The following GABRB2 variants were observed in gnomAD, a reference collection of about 807,000 sequenced individuals.
GABRB2 encodes gamma-aminobutyric acid receptor subunit beta-2.
GABRB2 carries 16 observed loss-of-function variants against 54.7 expected under a neutral mutation model. That is an observed-to-expected ratio of 0.29 (90% CI 0.20 to 0.44). The LOEUF is 0.44. Ranked by LOEUF, GABRB2 falls within the 20% of genes least tolerant of loss-of-function variation. The probability of loss-of-function intolerance (pLI) is 1.00; values close to 1 mark genes in which losing one functional copy is unlikely to be tolerated. For synonymous variants in GABRB2, 244 were observed against 233.8 expected, an observed-to-expected ratio of 1.04 and a Z score of -0.40; for missense variants, 355 against 644.0, an observed-to-expected ratio of 0.55 and a Z score of 4.86.
intron 3 of GABRB2, among the ~76,000 whole-genome samples, chr5:161,521,396 CCATATAA>C (rs1438637478): frequency 1.3e-5 from 2 of 151,554 alleles, no homozygotes; most frequent in African/African-American, 2.4e-5. Flanking sequence ...TATTTACGAA[CCATATAA>C]CTTTAGGTGA....
rs115764817 is a variant in GABRB2 at position 161,408,093 on chromosome 5, C to A, written c.541+2882G>T. On this transcript the variant is annotated intron_variant, in intron 5 of 9. Coordinates refer to ENST00000393959, the MANE Select transcript of GABRB2 (RefSeq NM_001371727.1). ...TTAGCAATGCAATTTTATATTCATGCATGTATTGACTTAAATTAGACATTG... is the reference window on the plus strand; with the variant it reads ...TTAGCAATGCAATTTTATATTCATGAATGTATTGACTTAAATTAGACATTG... Among the ~76,000 whole-genome samples, 353 of 152,042 alleles carry A rather than the reference C, an allele frequency of 2.3e-3. 2 individuals are homozygous for A. The highest frequency in any genetic ancestry group is 7.9e-3 in the African/African-American group (328 of 41,474).
At chr5:161,328,601 G>A (rs562068401) in intron 8 of GABRB2, among the ~76,000 whole-genome samples, 1 of 152,108 alleles carries the variant, frequency 6.6e-6, no homozygotes, top group Non-Finnish European at 1.5e-5. Flanking sequence ...TCTAAACCAT[G>A]ACTCATGATG....
At chr5:161,359,804 C>T (rs901336768) in intron 5 of GABRB2, among the ~76,000 whole-genome samples, 5 of 151,968 alleles carry the variant, frequency 3.3e-5, no homozygotes, top group African/African-American at 9.7e-5. Context: ...AAATGGAGGC[C>T]GGGTGCGGTG....
chr5:161,291,759 A>T lies in GABRB2; in HGVS notation c.*2322T>A, dbSNP rs1003293595. On this transcript the variant is annotated 3_prime_UTR_variant, in exon 10 of 10. Coordinates refer to ENST00000393959, the MANE Select transcript of GABRB2 (RefSeq NM_001371727.1). ...AAAGATTTTTATGGCTTGTACAGTG[A>T]TTGCACATAAGAGCCCACTTCTACA... is the stretch of plus-strand genomic sequence containing the variant. 7.2e-5 allele frequency: 11 copies of T among 152,584 alleles called. No homozygotes were observed. The East Asian group carries it at 2.1e-3, about 29-fold the overall frequency. 9.5% of individuals were successfully genotyped at this position (152,584 alleles called of 1,614,324 possible).
At chr5:161,472,991 G>T (rs1246040784) in intron 3 of GABRB2, among the ~76,000 whole-genome samples, 1 of 151,878 alleles carries the variant, frequency 6.6e-6, no homozygotes, top group Non-Finnish European at 1.5e-5. Context: ...AAATTTATTT[G>T]ACTGTGATTA....
chr5:161,473,585 A>G (rs1488081953), intron 3 of GABRB2, among the ~76,000 whole-genome samples: 1 of 152,042 alleles, frequency 6.6e-6, no homozygotes, highest in African/African-American at 2.4e-5. Context: ...GTTTGATCTC[A>G]CTTAAAAATT....
Position 161,326,480 on chromosome 5 carries a change from A to C in GABRB2, c.1079T>G (p.Ile360Ser). ...ATTTTGTTTAATATCTTTATAAAAA[A>C]TCTGGAAGACAAAGTAGAGAATGTG... Reference protein sequence around the residue: ...NEKMRLDVNKIFYKDIKQNGT... With the variant: ...NEKMRLDVNKSFYKDIKQNGT... Residue 360 changes from isoleucine (I) to serine (S), a missense_variant and splice_region_variant, in exon 9 of 10, where the codon ATT (isoleucine) becomes AGT (serine). Coordinates refer to ENST00000393959, the MANE Select transcript of GABRB2 (RefSeq NM_001371727.1). 1 of 1,612,984 alleles carries C rather than the reference A, an allele frequency of 6.2e-7. No homozygotes were observed. The highest frequency in any genetic ancestry group is 8.5e-7 in the Non-Finnish European group (1 of 1,179,356).
chr5:161,471,777 A>T (rs1758446993), intron 3 of GABRB2, among the ~76,000 whole-genome samples: 1 of 151,988 alleles, frequency 6.6e-6, no homozygotes, highest in South Asian at 2.1e-4. Context: ...ATCAACATTA[A>T]AAGTGTACTT....
intron 3 of GABRB2, among the ~76,000 whole-genome samples, chr5:161,476,713 G>A (rs1335753301): frequency 1.3e-5 from 2 of 151,790 alleles, no homozygotes; most frequent in South Asian, 2.1e-4. Context: ...TTCAACAAAT[G>A]GTATTGGGAT....
chr5:161,518,071 G>C lies in GABRB2; in HGVS notation c.237+27156C>G, dbSNP rs1009372421. Among the ~76,000 whole-genome samples the C allele has an allele frequency of 3.9e-5, 6 of 152,236 alleles. No individual in the cohort carries two copies. In the East Asian group the frequency reaches 1.2e-3, roughly 29 times the overall value. On this transcript the variant is annotated intron_variant, in intron 3 of 9. Coordinates refer to ENST00000393959, the MANE Select transcript of GABRB2 (RefSeq NM_001371727.1). ...GATCGGCCCGCCCCAGCCTCCCAAA[G>C]TGCTAGGATTACCGGTGTGAGCCAC...
chr5:161,348,153 C>T (rs556598715), intron 5 of GABRB2, among the ~76,000 whole-genome samples: 1 of 152,102 alleles, frequency 6.6e-6, no homozygotes, highest in South Asian at 2.1e-4. Context: ...TCCCTTTATA[C>T]TGCAACATTA....
At chr5:161,458,270 T>C (rs536595297) in intron 4 of GABRB2, among the ~76,000 whole-genome samples, 1 of 152,304 alleles carries the variant, frequency 6.6e-6, no homozygotes, top group Admixed American at 6.5e-5. Context: ...ACCACTTCAG[T>C]AGAATCTTTT....
intron 3 of GABRB2, among the ~76,000 whole-genome samples, chr5:161,507,072 T>C (rs950640840): frequency 1.3e-5 from 2 of 152,016 alleles, no homozygotes; most frequent in African/African-American, 4.8e-5. Context: ...GCTCTGTTCA[T>C]CAAAATGCCC....
At chr5:161,530,356 T>C (rs866807956) in intron 3 of GABRB2, among the ~76,000 whole-genome samples, 1 of 152,160 alleles carries the variant, frequency 6.6e-6, no homozygotes. Flanking sequence ...TACCTGGTGA[T>C]AATTATCAGA....
intron 3 of GABRB2, among the ~76,000 whole-genome samples, chr5:161,472,843 G>T (rs751148523): frequency 6.6e-6 from 1 of 151,858 alleles, no homozygotes; most frequent in Non-Finnish European, 1.5e-5. Flanking sequence ...CTTTTCGGCA[G>T]AATGGTGACA....
At chr5:161,452,883 C>A (rs1328326099) in intron 4 of GABRB2, among the ~76,000 whole-genome samples, 2 of 152,126 alleles carry the variant, frequency 1.3e-5, no homozygotes, top group Non-Finnish European at 2.9e-5. Flanking sequence ...GTAGGTCCAG[C>A]TACTCAGGAG....
chr5:161,465,747 A>G (rs1354285912), intron 3 of GABRB2, among the ~76,000 whole-genome samples: 2 of 152,158 alleles, frequency 1.3e-5, no homozygotes, highest in South Asian at 2.1e-4. Flanking sequence ...CAATACATAC[A>G]CACACATACA....
chr5:161,541,694 G>T (rs1760821903), intron 3 of GABRB2, among the ~76,000 whole-genome samples: 1 of 152,160 alleles, frequency 6.6e-6, no homozygotes, highest in South Asian at 2.1e-4. Flanking sequence ...TACAGTTAGG[G>T]TCTTGTTCTG....
chr5:161,452,871 C>A (rs1287559627), intron 4 of GABRB2, among the ~76,000 whole-genome samples: 3 of 152,096 alleles, frequency 2.0e-5, no homozygotes, highest in Admixed American at 6.6e-5. Flanking sequence ...TGGCACATGC[C>A]TGTAGGTCCA....
Sources: allele counts gnomAD v4.1 joint callset (sites outside exome capture counted in the v4.1 genomes callset), GRCh38; gene constraint gnomAD v4.1.1; transcripts MANE v1.5; gene names NCBI Gene and HGNC (gene_info 2026-07-23, HGNC 2026-07-21).